Variants in ATRX observed in about 807,000 individuals in gnomAD.
ATRX encodes the protein chromatin remodeler ATRX.
Under a neutral mutation model 172.6 loss-of-function variants are expected in ATRX, and 12 were observed. The observed-to-expected ratio is 0.07, with a 90% confidence interval of 0.04 to 0.11. The LOEUF (loss-of-function observed/expected upper bound fraction) is 0.11, where lower values mean the gene tolerates loss of function less well. Among genes scored for constraint, ATRX ranks in the 10% least tolerant of loss-of-function variants. The pLI, the probability that ATRX is intolerant of heterozygous loss-of-function variation, is 1.00. For missense variants in ATRX, 1,368 were observed against 1,767.4 expected (o/e 0.77, Z 4.05); for synonymous variants, 674 against 594.7 (o/e 1.13, Z -1.94).
At chrX:77,733,706 T>TAAA (rs1244088795) in intron 1 of ATRX, among the ~76,000 whole-genome samples, 21 of 33,034 alleles carry the variant, frequency 6.4e-4, no homozygotes, top group South Asian at 2.7e-3. Context: ...CCATCTATGC[T>TAAA]AAAAAAAAAA....
Position 77,717,201 on chromosome X carries a change from G to A in ATRX, c.63C>T (p.Phe21=), listed in dbSNP as rs1477436448. 1 of 1,209,346 alleles carries A rather than the reference G, an allele frequency of 8.3e-7. No individual in the cohort carries two copies. Among genetic ancestry groups the A allele is most frequent in the Admixed American group, 2.2e-5 (1 of 45,726 alleles). ...CAGATTCTTCTGATGAGTGTGCAAGGAAGTCATGAAGCTTCTGCACCAATG... is the reference window on the plus strand; with the variant it reads ...CAGATTCTTCTGATGAGTGTGCAAGAAAGTCATGAAGCTTCTGCACCAATG... The part of the protein sequence containing the change: ...LNTLVQKLHD[F]LAHSSEESEE... The change falls in exon 2 of 35, where the codon TTC becomes TTT. Residue 21 remains phenylalanine (F), a synonymous_variant. Transcript: ENST00000373344.
intron 1 of ATRX, among the ~76,000 whole-genome samples, chrX:77,765,024 A>G (rs2075858348): frequency 9.0e-6 from 1 of 110,707 alleles, no homozygotes; most frequent in Admixed American, 9.7e-5. Context: ...AAAATTAGTC[A>G]GGTGTGGTGG....
At chrX:77,612,562 G>A (rs1302303883) in intron 22 of ATRX, among the ~76,000 whole-genome samples, 1 of 110,681 alleles carries the variant, frequency 9.0e-6, no homozygotes, top group Non-Finnish European at 1.9e-5. Flanking sequence ...TTCTGCACAT[G>A]TATCCCAGAA....
chrX:77,512,666 C>T (rs889797386), intron 34 of ATRX, among the ~76,000 whole-genome samples: 1 of 110,974 alleles, frequency 9.0e-6, no homozygotes, highest in African/African-American at 3.3e-5. Context: ...GTCAGTAGTT[C>T]GAGACCAGCC....
At chrX:77,656,165 TC>T (rs1342412684) in intron 13 of ATRX, among the ~76,000 whole-genome samples, 60 of 111,674 alleles carry the variant, frequency 5.4e-4, no homozygotes, top group African/African-American at 1.9e-3. Flanking sequence ...CAATAGTCAG[TC>T]AAGTATATTG....
chrX:77,652,358 A>C lies in ATRX; in HGVS notation c.4318-5T>G, dbSNP rs782352894. The C allele has an allele frequency of 8.3e-7, 1 of 1,200,982 alleles. No individual in the cohort carries two copies. The highest frequency in any genetic ancestry group is 3.0e-5 in the East Asian group (1 of 33,785). On this transcript the variant is annotated splice_region_variant and splice_polypyrimidine_tract_variant and intron_variant, in intron 14 of 34. Transcript: ENST00000373344. ...CTCTTCTTCCTCAGAATTACTCTAC[A>C]GAATTTAAACAATTAGAGGTAAACA...
intron 15 of ATRX, among the ~76,000 whole-genome samples, chrX:77,648,527 T>C (rs1203139342): frequency 9.4e-6 from 1 of 106,133 alleles, no homozygotes; most frequent in Admixed American, 1.0e-4. Context: ...AGAAAATAAG[T>C]CCAAAGAAGG....
In ATRX at chrX:77,516,705, C is replaced by A. The variant is rs561822507; in HGVS notation, c.7200+4083G>T. On this transcript the variant is annotated intron_variant, in intron 34 of 34. Transcript: ENST00000373344. ...CCAGACAGAAAATCAATAAAAAAAA[C>A]CAACGGACTTATTCTGCACTATAGA... 6.3e-5 allele frequency among the ~76,000 whole-genome samples: 7 copies of A among 111,769 alleles called. No individual in the cohort carries two copies. In the South Asian group the frequency reaches 2.6e-3, roughly 41 times the overall value.
intron 25 of ATRX, chrX:77,594,103 TTGACTC>T (rs2066384701): frequency 9.9e-6 from 3 of 304,248 alleles, no homozygotes; most frequent in Non-Finnish European, 1.7e-5. Flanking sequence ...AAGCAAGAGA[TTGACTC>T]TGAGAGAGTG....
intron 19 of ATRX, among the ~76,000 whole-genome samples, chrX:77,631,312 AT>A (rs781946112): frequency 1.4e-4 from 16 of 111,322 alleles, no homozygotes; most frequent in African/African-American, 5.2e-4. Flanking sequence ...AGAAAAGATA[AT>A]TTTTTCTTTA....
chrX:77,645,538 C>T (rs2068871194), intron 15 of ATRX, among the ~76,000 whole-genome samples: 1 of 111,421 alleles, frequency 9.0e-6, no homozygotes, highest in South Asian at 3.7e-4. Context: ...TAGACCTGCC[C>T]TATAAAAAAT....
chrX:77,698,822 C>T lies in ATRX; in HGVS notation c.134-193G>A. 4 of 451,740 alleles carry T rather than the reference C, an allele frequency of 8.9e-6. No homozygotes were observed. In the South Asian group the frequency reaches 1.2e-4, roughly 13 times the overall value. The allele number at this position is 451,740 out of a possible 1,213,427, so 37.2% of individuals were successfully genotyped here. On this transcript the variant is annotated intron_variant, in intron 2 of 34. Transcript: ENST00000373344. Reference sequence around the variant, plus strand: ...ACTCTCCTTTTGCATACTAACCCCTCCTTATAAAGCATGAAATCTCTGTAA... The same window carrying T: ...ACTCTCCTTTTGCATACTAACCCCTTCTTATAAAGCATGAAATCTCTGTAA...
intron 2 of ATRX, among the ~76,000 whole-genome samples, chrX:77,711,793 T>A (rs1557161474): frequency 1.8e-5 from 2 of 112,065 alleles, no homozygotes; most frequent in Non-Finnish European, 3.8e-5. Context: ...TGAGATGGCA[T>A]CACTGCACAC....
At chrX:77,612,709 T>A (rs1281673597) in intron 22 of ATRX, among the ~76,000 whole-genome samples, 12 of 111,950 alleles carry the variant, frequency 1.1e-4, no homozygotes, top group Non-Finnish European at 5.6e-5. Context: ...AACTTTTTCA[T>A]CATTCCAAAC....
intron 30 of ATRX, among the ~76,000 whole-genome samples, chrX:77,533,505 C>T (rs1483061250): frequency 2.7e-5 from 3 of 111,541 alleles, no homozygotes; most frequent in African/African-American, 9.8e-5. Flanking sequence ...GAGATGGAAG[C>T]CATTATTCTC....
intron 1 of ATRX, among the ~76,000 whole-genome samples, chrX:77,770,607 A>T (rs1372998965): frequency 8.9e-6 from 1 of 111,972 alleles, no homozygotes; most frequent in East Asian, 2.8e-4. Context: ...CCAAATAGAG[A>T]TACATTCTAA....
chrX:77,715,147 T>C (rs1199792447), intron 2 of ATRX, among the ~76,000 whole-genome samples: 4 of 111,899 alleles, frequency 3.6e-5, no homozygotes, highest in Non-Finnish European at 7.5e-5. Context: ...TCACTGAATA[T>C]ACAGTTCTAT....
chrX:77,644,252 A>C (rs2068800600), intron 15 of ATRX, among the ~76,000 whole-genome samples: 1 of 112,970 alleles, frequency 8.9e-6, no homozygotes, highest in African/African-American at 3.2e-5. Context: ...GACGTTCAAA[A>C]AAATCTTTCA....
chrX:77,526,867 G>A (rs1431910418), intron 30 of ATRX, among the ~76,000 whole-genome samples: 5 of 112,324 alleles, frequency 4.5e-5, no homozygotes, highest in Non-Finnish European at 9.4e-5. Flanking sequence ...AGTCAGACAT[G>A]ACTGTCTAAG....
Sources: allele counts gnomAD v4.1 joint callset (sites outside exome capture counted in the v4.1 genomes callset), GRCh38; gene constraint gnomAD v4.1.1; transcripts MANE v1.5; gene names NCBI Gene and HGNC (gene_info 2026-07-23, HGNC 2026-07-21).